The following PDE10A variants were observed in gnomAD, a reference collection of about 807,000 sequenced individuals.
PDE10A encodes cAMP and cAMP-inhibited cGMP 3',5'-cyclic phosphodiesterase 10A.
Under a neutral mutation model 97.7 loss-of-function variants are expected in PDE10A, and 39 were observed. That is an observed-to-expected ratio of 0.40 (90% CI 0.31 to 0.52). The LOEUF (loss-of-function observed/expected upper bound fraction) is 0.52, where lower values mean the gene tolerates loss of function less well. Among genes scored for constraint, PDE10A ranks in the 20% least tolerant of loss-of-function variants. The pLI, the probability that PDE10A is intolerant of heterozygous loss-of-function variation, is 0.56. For missense variants in PDE10A, 731 were observed against 1,047.8 expected (o/e 0.70, Z 4.17); for synonymous variants, 371 against 376.8 (o/e 0.98, Z 0.18).
intron 18 of PDE10A, among the ~76,000 whole-genome samples, chr6:165,354,381 G>C (rs1011277730): frequency 6.6e-6 from 1 of 152,132 alleles, no homozygotes; most frequent in Non-Finnish European, 1.5e-5. Flanking sequence ...TTAGTCCTAA[G>C]GCCAATGACA....
At chr6:165,913,275 C>A (rs983318554) in intron 1 of PDE10A, among the ~76,000 whole-genome samples, 19 of 31,822 alleles carry the variant, frequency 6.0e-4, no homozygotes, top group Admixed American at 2.6e-3. Context: ...TCAACTTGTA[C>A]ACACACACAC....
chr6:165,723,860 T>TTA (rs397719253), intron 1 of PDE10A, among the ~76,000 whole-genome samples: 84 of 152,026 alleles, frequency 5.5e-4, no homozygotes, highest in African/African-American at 1.9e-3. Flanking sequence ...TTTTTTTTTT[T>TTA]AATTTTCCCT....
intron 1 of PDE10A, among the ~76,000 whole-genome samples, chr6:165,839,931 A>AAC (rs1780193788): frequency 1.2e-4 from 1 of 8,444 alleles, no homozygotes; most frequent in Non-Finnish European, 3.0e-4. Context: ...CCTCATCTCC[A>AAC]TTCTTATCTT....
At chr6:165,891,449 T>A (rs891272631) in intron 1 of PDE10A, among the ~76,000 whole-genome samples, 1 of 152,046 alleles carries the variant, frequency 6.6e-6, no homozygotes, top group African/African-American at 2.4e-5. Context: ...TCTCCCAGCC[T>A]CCCAGGTTCA....
chr6:165,942,145 G>A (rs118038473), intron 1 of PDE10A, among the ~76,000 whole-genome samples: 6,576 of 152,192 alleles, frequency 0.043, 203 homozygotes, highest in Non-Finnish European at 0.061. Flanking sequence ...ATAAATGTCC[G>A]TTACTGCCTC....
At chr6:165,639,738 C>CAAAA (rs35358593) in intron 1 of PDE10A, among the ~76,000 whole-genome samples, 2 of 102,564 alleles carry the variant, frequency 1.9e-5, no homozygotes, top group Admixed American at 1.1e-4. Context: ...GACTCTGTCC[C>CAAAA]AAAAAAAAAA....
intron 1 of PDE10A, among the ~76,000 whole-genome samples, chr6:165,817,854 C>A (rs568824383): frequency 6.6e-6 from 1 of 152,284 alleles, no homozygotes; most frequent in South Asian, 2.1e-4. Context: ...CAAGGTCCTA[C>A]GCATCCAATT....
chr6:165,390,684 C>T (rs1303375089), intron 16 of PDE10A, among the ~76,000 whole-genome samples: 3 of 152,108 alleles, frequency 2.0e-5, no homozygotes, highest in Non-Finnish European at 1.5e-5. Context: ...GTGTGCAAGG[C>T]AGAGCCTGCT....
chr6:165,542,464 T>A (rs1452770414), intron 2 of PDE10A, among the ~76,000 whole-genome samples: 6 of 151,428 alleles, frequency 4.0e-5, no homozygotes, highest in Non-Finnish European at 8.8e-5. Context: ...GAGAACAACA[T>A]GCAAAGAGAC....
At position 165,396,432 on chromosome 6, in the gene PDE10A, A is replaced by G. The variant is rs771871782; in HGVS notation, c.2104T>C (p.Cys702Arg). Reference protein sequence around the residue: ...NMYHRIRHSECIYRVTMEKLS... With the variant: ...NMYHRIRHSERIYRVTMEKLS... ...TTTTCCATCGTTACCCGGTAAATGC[A>G]CTCTGAGTGGCGAATTCTATGATAC... The change falls in exon 14 of 22, where the codon TGC becomes CGC. Residue 702 changes from cysteine (C) to arginine (R), a missense_variant. Transcript: ENST00000539869. 6.2e-7 allele frequency: 1 copy of G among 1,612,832 alleles called. No individual in the cohort carries two copies. Among genetic ancestry groups the G allele is most frequent in the Non-Finnish European group, 8.5e-7 (1 of 1,179,236 alleles).
chr6:165,805,373 A>G (rs1308945142), intron 1 of PDE10A, among the ~76,000 whole-genome samples: 31 of 152,166 alleles, frequency 2.0e-4, no homozygotes, highest in Admixed American at 2.0e-3. Context: ...GGGAGGCGGA[A>G]GAAGGCGCAG....
chr6:165,839,936 T>TATC (rs1780195002), intron 1 of PDE10A, among the ~76,000 whole-genome samples: 2 of 29,020 alleles, frequency 6.9e-5, no homozygotes, highest in African/African-American at 2.3e-4. Flanking sequence ...TCTCCATTCT[T>TATC]ATCTTCATTT....
chr6:165,691,201 C>CACACACA (rs1491589495), intron 1 of PDE10A, among the ~76,000 whole-genome samples: 1 of 24,014 alleles, frequency 4.2e-5, no homozygotes, highest in African/African-American at 1.3e-4. Flanking sequence ...CTCTCTCTCT[C>CACACACA]CCCACACACA....
At chr6:165,387,788 T>C (rs1187679131) in intron 17 of PDE10A, among the ~76,000 whole-genome samples, 1 of 152,206 alleles carries the variant, frequency 6.6e-6, no homozygotes, top group Admixed American at 6.5e-5. Context: ...AGAAAAATCA[T>C]TTAAGAAAGA....
Position 165,885,192 on chromosome 6 carries a change from T to C in PDE10A, c.-615+102337A>G, listed in dbSNP as rs146224416. 7.4e-4 allele frequency among the ~76,000 whole-genome samples: 112 copies of C among 152,288 alleles called. 1 individual carries two copies. The highest frequency in any genetic ancestry group is 5.2e-3 in the East Asian group (27 of 5,178). ...TTTGAAACGCAGGTGTATTCGTCTA[T>C]TTCACACTGCTTTAAAGGACTACCG... On this transcript the variant is annotated intron_variant, in intron 1 of 19. Coordinates refer to the PDE10A transcript ENST00000366882.
intron 1 of PDE10A, among the ~76,000 whole-genome samples, chr6:165,815,587 C>T (rs999237497): frequency 3.3e-5 from 5 of 152,070 alleles, no homozygotes; most frequent in South Asian, 2.1e-4. Context: ...TGCATGGGGT[C>T]GGCGAAGGTG....
At chr6:165,885,644 T>C (rs1266571363) in intron 1 of PDE10A, among the ~76,000 whole-genome samples, 1 of 152,222 alleles carries the variant, frequency 6.6e-6, no homozygotes, top group Non-Finnish European at 1.5e-5. Flanking sequence ...ACAGCTCTGC[T>C]CAGCGCTGGC....
intron 1 of PDE10A, among the ~76,000 whole-genome samples, chr6:165,835,568 C>T (rs2128471827): frequency 6.6e-6 from 1 of 152,332 alleles, no homozygotes; most frequent in Admixed American, 6.5e-5. Context: ...CCAGGGAAGC[C>T]TCCTTGTAGG....
intron 1 of PDE10A, among the ~76,000 whole-genome samples, chr6:165,644,095 G>A (rs139502769): frequency 0.031 from 4,762 of 152,018 alleles, 106 homozygotes; most frequent in African/African-American, 0.065. Flanking sequence ...TCCCTCTGTC[G>A]CCCAGGCTGG....
Sources: gnomAD v4.1 joint callset for allele counts (sites outside exome capture counted in the v4.1 genomes callset) on GRCh38, gnomAD v4.1.1 for gene constraint, MANE v1.5 for transcripts, NCBI Gene and HGNC (gene_info 2026-07-23, HGNC 2026-07-21) for gene names.